EGFLAM: variants seen among roughly 807,000 people sequenced by gnomAD.
The protein encoded by EGFLAM is EGF like, fibronectin type III and laminin G domains.
In EGFLAM, 79 loss-of-function variants were observed where a neutral mutation model predicts 113.1. That is an observed-to-expected ratio of 0.70 (90% CI 0.58 to 0.84). The LOEUF (loss-of-function observed/expected upper bound fraction) is 0.84, where lower values mean the gene tolerates loss of function less well. Ranked by LOEUF, EGFLAM falls within the 40% of genes least tolerant of loss-of-function variation. The pLI is 0.00. For missense variants in EGFLAM, 1,265 were observed against 1,291.6 expected, an observed-to-expected ratio of 0.98 and a Z score of 0.32; for synonymous variants, 504 against 487.6, an observed-to-expected ratio of 1.03 and a Z score of -0.44.
chr5:38,306,496 T>C (rs1218168781), intron 1 of EGFLAM, among the ~76,000 whole-genome samples: 1 of 152,204 alleles, frequency 6.6e-6, no homozygotes, highest in Non-Finnish European at 1.5e-5. Context: ...GTTCGATATC[T>C]CATGTTCAGG....
intron 3 of EGFLAM, among the ~76,000 whole-genome samples, chr5:38,349,635 G>A (rs953075832): frequency 1.3e-5 from 2 of 152,018 alleles, no homozygotes; most frequent in African/African-American, 2.4e-5. Flanking sequence ...GCTTCCCACC[G>A]ATCAGACCCA....
chr5:38,417,280 G>A (rs1250020266), intron 11 of EGFLAM, among the ~76,000 whole-genome samples: 2 of 149,610 alleles, frequency 1.3e-5, no homozygotes, highest in East Asian at 2.0e-4. Context: ...CCTGGGAGGC[G>A]GAGGTTACGG....
intron 12 of EGFLAM, among the ~76,000 whole-genome samples, chr5:38,422,287 A>C (rs552598124): frequency 6.6e-6 from 1 of 152,266 alleles, no homozygotes; most frequent in East Asian, 1.9e-4. Context: ...GTCTGTGTAT[A>C]CATGACCTTG....
chr5:38,421,118 A>G (rs1037888506), intron 12 of EGFLAM, among the ~76,000 whole-genome samples: 3 of 152,086 alleles, frequency 2.0e-5, no homozygotes, highest in African/African-American at 7.2e-5. Context: ...GATATCTCTA[A>G]CTTGTCATTG....
At chr5:38,367,566 G>C (rs989221687) in intron 5 of EGFLAM, among the ~76,000 whole-genome samples, 1 of 152,004 alleles carries the variant, frequency 6.6e-6, no homozygotes, top group Admixed American at 6.6e-5. Context: ...ATGTTCTTCT[G>C]TTCCTGTGGG....
chr5:38,303,878 G>A (rs1006591901), intron 1 of EGFLAM, among the ~76,000 whole-genome samples: 8 of 152,144 alleles, frequency 5.3e-5, no homozygotes, highest in African/African-American at 1.9e-4. Flanking sequence ...GCTCATGCCT[G>A]TAACCTCAGC....
chr5:38,373,311 T>A (rs1240154285), intron 6 of EGFLAM, among the ~76,000 whole-genome samples: 1 of 152,230 alleles, frequency 6.6e-6, no homozygotes, highest in Non-Finnish European at 1.5e-5. Flanking sequence ...ACTGTGAAGC[T>A]GCTTCCCTGA....
chr5:38,339,490 G>A (rs1251943049), intron 3 of EGFLAM, among the ~76,000 whole-genome samples: 6 of 152,086 alleles, frequency 3.9e-5, no homozygotes, highest in South Asian at 2.1e-4. Context: ...TGTTTGATCC[G>A]TGCCTTCTGG....
intron 1 of EGFLAM, among the ~76,000 whole-genome samples, chr5:38,309,689 A>G (rs1738364082): frequency 6.6e-6 from 1 of 152,234 alleles, no homozygotes; most frequent in Non-Finnish European, 1.5e-5. Context: ...ACCGTAAAGC[A>G]TACATGAAGG....
chr5:38,417,914 C>A, intron 11 of EGFLAM, 152 bp from the exon 12 acceptor site: 1 of 756,678 alleles, frequency 1.3e-6, no homozygotes, highest in Non-Finnish European at 2.0e-6. Context: ...TTTAATTTTC[C>A]AGTAAGGCAA....
intron 1 of EGFLAM, among the ~76,000 whole-genome samples, chr5:38,336,173 T>C (rs2434500): frequency 0.08 from 12,189 of 152,326 alleles, 603 homozygotes; most frequent in East Asian, 0.12. Context: ...TTAATGATTG[T>C]AAATATGCTA....
chr5:38,298,163 A>G (rs984819767), intron 1 of EGFLAM, among the ~76,000 whole-genome samples: 2 of 152,202 alleles, frequency 1.3e-5, no homozygotes, highest in African/African-American at 4.8e-5. Context: ...CTGACATGCT[A>G]AGGCTGGGAA....
chr5:38,349,175 G>A (rs1338108422), intron 3 of EGFLAM, among the ~76,000 whole-genome samples: 2 of 152,186 alleles, frequency 1.3e-5, no homozygotes, highest in Non-Finnish European at 2.9e-5. Context: ...CATGGTCCCT[G>A]CTTTCAAGTT....
At chr5:38,442,777 G>A (rs1254032155) in intron 17 of EGFLAM, among the ~76,000 whole-genome samples, 1 of 151,984 alleles carries the variant, frequency 6.6e-6, no homozygotes, top group Non-Finnish European at 1.5e-5. Context: ...AGGAGCATAG[G>A]AGAGCCAGGG....
chr5:38,451,643 C>G, intron 19 of EGFLAM, 185 bp downstream of exon 19: 1 of 870,336 alleles, frequency 1.1e-6, no homozygotes, highest in Non-Finnish European at 1.7e-6. Flanking sequence ...GAGCAGCAGT[C>G]AGCAAACTAT....
At chr5:38,295,514 G>T (rs1441372547) in intron 1 of EGFLAM, among the ~76,000 whole-genome samples, 1 of 152,206 alleles carries the variant, frequency 6.6e-6, no homozygotes, top group Non-Finnish European at 1.5e-5. Flanking sequence ...TGCTTCAGAT[G>T]TAGGTTAGAA....
At chr5:38,366,817 T>A (rs1740072691) in intron 5 of EGFLAM, among the ~76,000 whole-genome samples, 1 of 152,234 alleles carries the variant, frequency 6.6e-6, no homozygotes, top group South Asian at 2.1e-4. Context: ...TATAAAATCC[T>A]GCATACAATT....
intron 9 of EGFLAM, among the ~76,000 whole-genome samples, chr5:38,408,618 AGG>A (rs972327991): frequency 3.9e-5 from 6 of 152,136 alleles, no homozygotes; most frequent in Admixed American, 3.3e-4. Context: ...ATGCCTCCCC[AGG>A]GGGAGGGAAA....
At chr5:38,336,555 CAG>C (rs1739189902) in intron 1 of EGFLAM, among the ~76,000 whole-genome samples, 1 of 130,202 alleles carries the variant, frequency 7.7e-6, no homozygotes, top group South Asian at 2.2e-4. Context: ...GCCTGGGCGA[CAG>C]AGTGAGACTC....
Sources: gnomAD v4.1 joint callset for allele counts (sites outside exome capture counted in the v4.1 genomes callset) on GRCh38, gnomAD v4.1.1 for gene constraint, MANE v1.5 for transcripts, NCBI Gene and HGNC (gene_info 2026-07-23, HGNC 2026-07-21) for gene names.